Variants in PTPN1 observed in about 807,000 individuals in gnomAD.
The protein encoded by PTPN1 is protein tyrosine phosphatase non-receptor type 1.
PTPN1 carries 12 observed loss-of-function variants against 59.9 expected under a neutral mutation model. The observed-to-expected ratio is 0.20, with a 90% CI of 0.13 to 0.32. The LOEUF is 0.32. Among genes scored for constraint, PTPN1 ranks in the 10% least tolerant of loss-of-function variants. The pLI is 1.00. For missense variants in PTPN1, 356 were observed against 549.2 expected, an observed-to-expected ratio of 0.65 and a Z score of 3.52; for synonymous variants, 178 against 203.6, an observed-to-expected ratio of 0.87 and a Z score of 1.07.
intron 1 of PTPN1, among the ~76,000 whole-genome samples, chr20:50,536,317 C>T (rs190708569): frequency 7.2e-5 from 11 of 152,212 alleles, no homozygotes; most frequent in African/African-American, 2.4e-4. Flanking sequence ...AAATGTATTC[C>T]GTGAATGCAG....
At position 50,522,290 on chromosome 20, in the gene PTPN1, T is replaced by C. The variant is rs376696123; in HGVS notation, c.63+11700T>C. Among the ~76,000 whole-genome samples the C allele has an allele frequency of 2.1e-4, 32 of 152,316 alleles. No homozygotes were observed. The South Asian group carries it at 4.6e-3, about 22-fold the overall frequency. ...CATGTTCAGTTATTTCCAGGAACTA[T>C]TTTTGATGACCAACTTGAAGTTACA... On this transcript the variant is annotated intron_variant, in intron 1 of 9. Coordinates refer to ENST00000371621, the MANE Select transcript of PTPN1 (RefSeq NM_002827.4).
In PTPN1 at chr20:50,578,428, A is replaced by C. The variant is rs1568797402; in HGVS notation, c.501A>C (p.Glu167Asp). ...GTATTTTTCTCTTTCAGACCCAAGAAACTCGAGAGATCTTACATTTCCACT... is the reference window on the plus strand; with the variant it reads ...GTATTTTTCTCTTTCAGACCCAAGACACTCGAGAGATCTTACATTTCCACT... ...QLELENLTTQ[E>D]TREILHFHYT... The change falls in exon 6 of 10, where the codon GAA becomes GAC. Residue 167 changes from glutamate (E) to aspartate (D), a missense_variant. Glu to Asp is a conservative substitution (Grantham distance 45, BLOSUM62 2). Coordinates refer to ENST00000371621, the MANE Select transcript of PTPN1 (RefSeq NM_002827.4). 6.2e-7 allele frequency: 1 copy of C among 1,613,684 alleles called. No individual in the cohort carries two copies. Among genetic ancestry groups the C allele is most frequent in the South Asian group, 1.1e-5 (1 of 91,072 alleles).
chr20:50,575,724 A>C (rs2082833480), intron 5 of PTPN1, among the ~76,000 whole-genome samples: 1 of 152,178 alleles, frequency 6.6e-6, no homozygotes, highest in South Asian at 2.1e-4. Context: ...CAGGAGTTCA[A>C]GACCAGCTTG....
chr20:50,528,788 A>G (rs1267038992), intron 1 of PTPN1, among the ~76,000 whole-genome samples: 1 of 151,968 alleles, frequency 6.6e-6, no homozygotes, highest in Non-Finnish European at 1.5e-5. Context: ...GTAGTTCCTG[A>G]ATGAATAGAT....
chr20:50,569,080 CA>C (rs1174951114), intron 4 of PTPN1, among the ~76,000 whole-genome samples: 1 of 152,184 alleles, frequency 6.6e-6, no homozygotes, highest in Non-Finnish European at 1.5e-5. Context: ...ACTCCTCTTG[CA>C]TCTGGGTCTA....
intron 1 of PTPN1, among the ~76,000 whole-genome samples, chr20:50,527,735 C>A (rs1019431992): frequency 6.6e-6 from 1 of 152,200 alleles, no homozygotes; most frequent in African/African-American, 2.4e-5. Context: ...TAATGCAGTT[C>A]AGTGTGGTAG....
intron 1 of PTPN1, among the ~76,000 whole-genome samples, chr20:50,532,349 ATCT>A (rs1035734606): frequency 1.3e-5 from 2 of 152,150 alleles, no homozygotes; most frequent in African/African-American, 4.8e-5. Context: ...GTCCCCTTAA[ATCT>A]TCTTTGGGTC....
At chr20:50,527,501 G>A (rs1467825304) in intron 1 of PTPN1, among the ~76,000 whole-genome samples, 5 of 152,012 alleles carry the variant, frequency 3.3e-5, no homozygotes, top group African/African-American at 9.7e-5. Context: ...CTGTCATCAC[G>A]CCTGGCTAAT....
chr20:50,528,530 A>G (rs931456664), intron 1 of PTPN1, among the ~76,000 whole-genome samples: 1 of 152,028 alleles, frequency 6.6e-6, no homozygotes, highest in Non-Finnish European at 1.5e-5. Flanking sequence ...CCTGGCCAAC[A>G]TGGTGAAACC....
intron 1 of PTPN1, among the ~76,000 whole-genome samples, chr20:50,530,002 G>A (rs112409772): frequency 0.022 from 3,407 of 152,052 alleles, 73 homozygotes; most frequent in African/African-American, 0.051. Flanking sequence ...AGCCTCTGGA[G>A]TAGCTGGGAT....
intron 1 of PTPN1, among the ~76,000 whole-genome samples, chr20:50,513,606 A>G (rs946816040): frequency 6.6e-6 from 1 of 152,226 alleles, no homozygotes; most frequent in African/African-American, 2.4e-5. Context: ...GGCAAGATTT[A>G]TTCATGTTAG....
intron 1 of PTPN1, among the ~76,000 whole-genome samples, chr20:50,522,090 A>G (rs1234635544): frequency 1.3e-5 from 2 of 152,204 alleles, no homozygotes; most frequent in African/African-American, 2.4e-5. Flanking sequence ...TGGTGGCCTG[A>G]GGGAGTGCCC....
At chr20:50,556,154 G>GTCA (rs1456421324) in intron 1 of PTPN1, among the ~76,000 whole-genome samples, 4 of 151,484 alleles carry the variant, frequency 2.6e-5, no homozygotes, top group Non-Finnish European at 5.9e-5. Context: ...TTTGTAATCT[G>GTCA]TCATCATGCT....
At position 50,579,346 on chromosome 20, in the gene PTPN1, T is replaced by A; in HGVS notation, c.864+17T>A. On this transcript the variant is annotated intron_variant, in intron 7 of 9. Coordinates refer to ENST00000371621, the MANE Select transcript of PTPN1 (RefSeq NM_002827.4). ...TCCGTGCAGGTCAGCATTGCCTTTG[T>A]TTGAATCCAGGTGTGACCATTTTAA... The A allele has an allele frequency of 1.9e-6, 3 of 1,609,736 alleles. No homozygotes were observed. The highest frequency in any genetic ancestry group is 2.5e-6 in the Non-Finnish European group (3 of 1,176,786).
intron 1 of PTPN1, among the ~76,000 whole-genome samples, chr20:50,559,241 C>G (rs2082740244): frequency 6.6e-6 from 1 of 152,080 alleles, no homozygotes; most frequent in Non-Finnish European, 1.5e-5. Context: ...CTGTGTTGGC[C>G]AGGCTGGTCT....
At chr20:50,541,836 C>T (rs963190472) in intron 1 of PTPN1, among the ~76,000 whole-genome samples, 4 of 152,140 alleles carry the variant, frequency 2.6e-5, no homozygotes, top group South Asian at 2.1e-4. Context: ...CAACCAAAGT[C>T]GGCAAGGAGA....
At chr20:50,557,386 C>A (rs774764746) in intron 1 of PTPN1, among the ~76,000 whole-genome samples, 1 of 152,172 alleles carries the variant, frequency 6.6e-6, no homozygotes, top group Admixed American at 6.5e-5. Flanking sequence ...CAGGCACATA[C>A]CACCATGCCC....
chr20:50,565,204 G>T (rs954386945), intron 3 of PTPN1, 135 bp downstream of exon 3: 7 of 876,710 alleles, frequency 8.0e-6, no homozygotes, highest in Non-Finnish European at 1.2e-5. Context: ...AGCAAGGAAG[G>T]GGGAAAAATC....
chr20:50,557,730 C>T (rs901483613), intron 1 of PTPN1: 2 of 152,118 alleles, frequency 1.3e-5, no homozygotes, highest in African/African-American at 2.4e-5. Flanking sequence ...AGTGGCTCTT[C>T]GCGGGCATGA....
Sources: gnomAD v4.1 joint callset for allele counts (sites outside exome capture counted in the v4.1 genomes callset) on GRCh38, gnomAD v4.1.1 for gene constraint, MANE v1.5 for transcripts, NCBI Gene and HGNC (gene_info 2026-07-23, HGNC 2026-07-21) for gene names.